The following MAJIN variants were observed in gnomAD, a reference collection of about 807,000 sequenced individuals.
MAJIN encodes membrane anchored junction protein.
MAJIN carries 27 observed loss-of-function variants against 30.2 expected under a neutral mutation model. That is an observed-to-expected ratio of 0.89 (90% confidence interval 0.66 to 1.23). The LOEUF is 1.23. Ranked by LOEUF, MAJIN falls within the 50% of genes most tolerant of loss-of-function variation. The pLI, the probability that MAJIN is intolerant of heterozygous loss-of-function variation, is 0.00. For synonymous variants in MAJIN, 78 were observed against 91.6 expected (o/e 0.85, Z 0.85); for missense variants, 253 against 260.3 (o/e 0.97, Z 0.19).
At chr11:64,967,795 A>C (rs1418593713) in intron 1 of MAJIN, among the ~76,000 whole-genome samples, 3 of 152,168 alleles carry the variant, frequency 2.0e-5, no homozygotes, top group African/African-American at 7.2e-5. Context: ...GAGAGACATG[A>C]TCCCTCGTCT....
intron 4 of MAJIN, 139 bp downstream of exon 4, chr11:64,954,618 T>C (rs1565134276): frequency 1.2e-6 from 1 of 803,450 alleles, no homozygotes; most frequent in East Asian, 2.6e-5. Flanking sequence ...TAAAGTTCCT[T>C]TGCAAAGGAG....
At chr11:64,958,564 A>G (rs954439103) in intron 3 of MAJIN, among the ~76,000 whole-genome samples, 35 of 148,672 alleles carry the variant, frequency 2.4e-4, no homozygotes, top group African/African-American at 8.6e-4. Context: ...GGCTGCAGTG[A>G]TCACACCACT....
intron 4 of MAJIN, among the ~76,000 whole-genome samples, chr11:64,951,892 G>A (rs1424299149): frequency 6.6e-6 from 1 of 151,680 alleles, no homozygotes; most frequent in Admixed American, 6.6e-5. Flanking sequence ...AAGTGTTACT[G>A]TTTTTTGTTT....
At chr11:64,956,762 T>TG (rs1456425131) in intron 3 of MAJIN, among the ~76,000 whole-genome samples, 2 of 105,020 alleles carry the variant, frequency 1.9e-5, no homozygotes, top group Non-Finnish European at 2.0e-5. Flanking sequence ...ACATATAAGC[T>TG]GTTTTTTTTT....
chr11:64,952,844 A>G (rs1214162487), intron 4 of MAJIN, among the ~76,000 whole-genome samples: 1 of 152,094 alleles, frequency 6.6e-6, no homozygotes, highest in Non-Finnish European at 1.5e-5. Context: ...AGCTTGGACT[A>G]CAGGTACGTG....
At chr11:64,971,474 G>C (rs1565152623) in intron 1 of MAJIN, among the ~76,000 whole-genome samples, 1 of 151,124 alleles carries the variant, frequency 6.6e-6, no homozygotes, top group Non-Finnish European at 1.5e-5. Flanking sequence ...GGGGGGGCGG[G>C]GAAGGAGGAG....
chr11:64,961,600 A>G (rs536583816), intron 1 of MAJIN, among the ~76,000 whole-genome samples: 2 of 148,794 alleles, frequency 1.3e-5, no homozygotes, highest in East Asian at 4.0e-4. Flanking sequence ...CTCAGCCTCC[A>G]GAGTAGCTGG....
intron 4 of MAJIN, among the ~76,000 whole-genome samples, chr11:64,950,664 C>A (rs1945538332): frequency 1.3e-5 from 2 of 152,120 alleles, no homozygotes; most frequent in Admixed American, 1.3e-4. Flanking sequence ...TCACTGCAAT[C>A]TCTGCCTCCT....
At chr11:64,959,214 A>C in intron 3 of MAJIN, 91 bp downstream of exon 3, 1 of 961,434 alleles carries the variant, frequency 1.0e-6, no homozygotes, top group Non-Finnish European at 1.6e-6. Flanking sequence ...CAGTCTCCTG[A>C]ACTGGGTGAA....
chr11:64,939,862 G>T, intron 9 of MAJIN, 95 bp from the exon 10 acceptor site: 2 of 1,061,038 alleles, frequency 1.9e-6, no homozygotes, highest in Non-Finnish European at 2.7e-6. Context: ...GCCAGAGGCA[G>T]TCTCACGCCA....
At chr11:64,957,874 C>G (rs1945660569) in intron 3 of MAJIN, among the ~76,000 whole-genome samples, 1 of 151,676 alleles carries the variant, frequency 6.6e-6, no homozygotes, top group Admixed American at 6.6e-5. Flanking sequence ...CTAAATATAA[C>G]TTTAATAATA....
chr11:64,943,978 T>C (rs1284824986), intron 8 of MAJIN, among the ~76,000 whole-genome samples: 1 of 152,174 alleles, frequency 6.6e-6, no homozygotes, highest in Non-Finnish European at 1.5e-5. Context: ...ACAGCACAAC[T>C]GGGGCCCTGG....
intron 1 of MAJIN, among the ~76,000 whole-genome samples, chr11:64,968,178 G>A (rs556359271): frequency 1.3e-5 from 2 of 152,302 alleles, no homozygotes; most frequent in Admixed American, 1.3e-4. Context: ...TGTAAGGCTT[G>A]TAGGCCATTG....
chr11:64,967,173 T>C (rs1292734234), intron 1 of MAJIN, among the ~76,000 whole-genome samples: 3 of 151,750 alleles, frequency 2.0e-5, no homozygotes, highest in African/African-American at 7.3e-5. Flanking sequence ...TTTGGGAGGC[T>C]GAGTCGGGCA....
At chr11:64,967,785 G>T (rs1204582767) in intron 1 of MAJIN, among the ~76,000 whole-genome samples, 1 of 152,190 alleles carries the variant, frequency 6.6e-6, no homozygotes, top group Admixed American at 6.5e-5. Flanking sequence ...TAAGTAACAA[G>T]AGAGACATGA....
chr11:64,938,705 T>C lies in MAJIN; in HGVS notation c.*2-132A>G, dbSNP rs1468025192. 5.0e-6 allele frequency: 5 copies of C among 993,200 alleles called. No individual in the cohort carries two copies. The African/African-American group carries it at 8.1e-5, about 16-fold the overall frequency. The allele number at this position is 993,200 out of a possible 1,614,324, so 61.5% of individuals were successfully genotyped here. A position where few individuals can be genotyped will look rare whatever the true frequency, so the allele number is the denominator to read the frequency against. On this transcript the variant is annotated intron_variant, in intron 10 of 10. Transcript: ENST00000301896. ...CATTGAATGGAAATTCAAGACTGAA[T>C]AGCATTTGAAAAGGTACCCAAATTA... is the stretch of plus-strand genomic sequence containing the variant.
chr11:64,950,578 T>TTTTC (rs138174447), intron 4 of MAJIN, 148 bp from the exon 5 acceptor site: 16 of 599,592 alleles, frequency 2.7e-5, no homozygotes, highest in African/African-American at 2.5e-4. Flanking sequence ...CTCCATTTCT[T>TTTTC]TTTCTTTCTT....
In MAJIN at chr11:64,947,790, AC is replaced by A. The variant is rs777885109; in HGVS notation, c.378del (p.Leu127TrpfsTer9). On this transcript the variant is annotated frameshift_variant, in exon 7 of 11. Transcript: ENST00000301896. LOFTEE classifies it high-confidence loss of function. ...TTGTACAGAAAAGGCAAACTTACCA[AC>A]CCAAGAGGACTGTCACTTATTGGTT... ...PGKPISDSPL[G>X]LVPVEKKAVG... 4 of 1,613,320 alleles carry A rather than the reference AC, an allele frequency of 2.5e-6. No homozygotes were observed. Among genetic ancestry groups the A allele is most frequent in the Non-Finnish European group, 3.4e-6 (4 of 1,179,446 alleles).
At chr11:64,945,275 G>A (rs868830501) in intron 8 of MAJIN, among the ~76,000 whole-genome samples, 5 of 151,900 alleles carry the variant, frequency 3.3e-5, no homozygotes, top group Non-Finnish European at 5.9e-5. Flanking sequence ...GGAGAATGGC[G>A]TGAACCCAGG....
Sources: allele counts gnomAD v4.1 joint callset (sites outside exome capture counted in the v4.1 genomes callset), GRCh38; gene constraint gnomAD v4.1.1; transcripts MANE v1.5; gene names NCBI Gene and HGNC (gene_info 2026-07-23, HGNC 2026-07-21).